SLC25A13: variants seen among roughly 807,000 people sequenced by gnomAD.
SLC25A13 encodes electrogenic aspartate/glutamate antiporter SLC25A13, mitochondrial.
A neutral mutation model predicts 85.5 loss-of-function variants in SLC25A13; 70 were observed. The ratio of observed to expected loss-of-function variants is 0.82; its 90% confidence interval spans 0.68 to 1.00. The LOEUF (loss-of-function observed/expected upper bound fraction) is 1.00, where lower values mean the gene tolerates loss of function less well. Ranked by LOEUF, SLC25A13 falls within the 50% of genes least tolerant of loss-of-function variation. The pLI, the probability that SLC25A13 is intolerant of heterozygous loss-of-function variation, is 0.00. For missense variants in SLC25A13, 765 were observed against 819.8 expected (o/e 0.93, Z 0.82); for synonymous variants, 259 against 288.7 (o/e 0.90, Z 1.04).
intron 4 of SLC25A13, among the ~76,000 whole-genome samples, chr7:96,229,810 A>G (rs1248645747): frequency 1.3e-5 from 2 of 152,240 alleles, no homozygotes; most frequent in Middle Eastern, 3.4e-3. Flanking sequence ...ACATCCAAAC[A>G]TAAGAAGGAA....
At chr7:96,237,037 A>G (rs1333852527) in intron 3 of SLC25A13, among the ~76,000 whole-genome samples, 1 of 152,220 alleles carries the variant, frequency 6.6e-6, no homozygotes, top group Admixed American at 6.5e-5. Flanking sequence ...ATGGAAGGGC[A>G]ACAGCATGCC....
intron 13 of SLC25A13, among the ~76,000 whole-genome samples, chr7:96,149,303 A>G (rs1792924722): frequency 6.6e-6 from 1 of 152,206 alleles, no homozygotes; most frequent in Non-Finnish European, 1.5e-5. Context: ...CTCTTTCTAC[A>G]TATCCAAGTG....
intron 1 of SLC25A13, among the ~76,000 whole-genome samples, chr7:96,299,871 G>A (rs1799489033): frequency 6.6e-6 from 1 of 152,104 alleles, no homozygotes; most frequent in Non-Finnish European, 1.5e-5. Context: ...ATTACTGTAG[G>A]CAACTGTAAA....
chr7:96,257,188 C>T (rs1175412895), intron 3 of SLC25A13, among the ~76,000 whole-genome samples: 1 of 152,050 alleles, frequency 6.6e-6, no homozygotes, highest in Non-Finnish European at 1.5e-5. Context: ...CGAAAGCTAG[C>T]AGAAGACAAG....
At chr7:96,284,005 A>C (rs531954721) in intron 2 of SLC25A13, among the ~76,000 whole-genome samples, 1 of 152,230 alleles carries the variant, frequency 6.6e-6, no homozygotes, top group South Asian at 2.1e-4. Flanking sequence ...AAATTACTCA[A>C]CTGGTTAGAA....
At chr7:96,227,424 T>C (rs1478912917) in intron 4 of SLC25A13, among the ~76,000 whole-genome samples, 1 of 152,162 alleles carries the variant, frequency 6.6e-6, no homozygotes, top group Non-Finnish European at 1.5e-5. Context: ...AGCAGGATGT[T>C]TGTGGAAATT....
At chr7:96,298,339 T>A (rs1230188795) in intron 1 of SLC25A13, among the ~76,000 whole-genome samples, 1 of 152,224 alleles carries the variant, frequency 6.6e-6, no homozygotes, top group African/African-American at 2.4e-5. Flanking sequence ...TGAAACCAGA[T>A]GGTTGGTCAC....
At chr7:96,161,421 T>A (rs989956477) in intron 13 of SLC25A13, among the ~76,000 whole-genome samples, 1 of 152,204 alleles carries the variant, frequency 6.6e-6, no homozygotes, top group African/African-American at 2.4e-5. Context: ...TAACATGGTA[T>A]ACAGAGTCAC....
chr7:96,167,825 G>A lies in SLC25A13; in HGVS notation c.1311+2220C>T, dbSNP rs893854755. Among the ~76,000 whole-genome samples the A allele has an allele frequency of 3.0e-4, 46 of 152,124 alleles. 1 individual carries two copies. The highest frequency in any genetic ancestry group is 1.0e-3 in the African/African-American group (43 of 41,424). Reference sequence around the variant, plus strand: ...TTACTTAAAAAATGCATGGCTGGGCGGGGTGGCCCCATGCCTGTAATCCCA... The same window carrying A: ...TTACTTAAAAAATGCATGGCTGGGCAGGGTGGCCCCATGCCTGTAATCCCA... On this transcript the variant is annotated intron_variant, in intron 13 of 17. Transcript: ENST00000265631.
At chr7:96,256,356 T>C (rs1266862647) in intron 3 of SLC25A13, among the ~76,000 whole-genome samples, 1 of 151,602 alleles carries the variant, frequency 6.6e-6, no homozygotes, top group African/African-American at 2.4e-5. Context: ...AGGCTCAAAA[T>C]AAAGGGATGG....
intron 3 of SLC25A13, among the ~76,000 whole-genome samples, chr7:96,262,522 T>A (rs1415052963): frequency 2.0e-5 from 3 of 150,736 alleles, no homozygotes; most frequent in South Asian, 4.2e-4. Flanking sequence ...CTCCTCAGTT[T>A]AAAAAAAAAG....
intron 2 of SLC25A13, among the ~76,000 whole-genome samples, chr7:96,291,431 A>G (rs1799114103): frequency 6.6e-6 from 1 of 152,244 alleles, no homozygotes; most frequent in Non-Finnish European, 1.5e-5. Flanking sequence ...CTAAGATCAG[A>G]GCAGAACTGA....
chr7:96,148,934 G>A (rs1254354395), intron 13 of SLC25A13, among the ~76,000 whole-genome samples: 1 of 152,238 alleles, frequency 6.6e-6, no homozygotes, highest in East Asian at 1.9e-4. Context: ...GCTCAAGACA[G>A]AGCCTTTACT....
At chr7:96,196,442 A>G (rs1795065999) in intron 5 of SLC25A13, among the ~76,000 whole-genome samples, 1 of 152,194 alleles carries the variant, frequency 6.6e-6, no homozygotes, top group African/African-American at 2.4e-5. Context: ...AGGAAGCCAC[A>G]ATGCTAAGAC....
chr7:96,321,011 A>G (rs1414924796), intron 1 of SLC25A13, among the ~76,000 whole-genome samples: 1 of 152,212 alleles, frequency 6.6e-6, no homozygotes, highest in African/African-American at 2.4e-5. Context: ...GCTTGATTAG[A>G]GGGCTGCCTT....
At chr7:96,269,511 G>A (rs1208826702) in intron 3 of SLC25A13, among the ~76,000 whole-genome samples, 1 of 152,196 alleles carries the variant, frequency 6.6e-6, no homozygotes, top group African/African-American at 2.4e-5. Flanking sequence ...TTCCGGATCA[G>A]GCTGGCCCTT....
At chr7:96,181,439 T>C (rs1475792400) in intron 11 of SLC25A13, among the ~76,000 whole-genome samples, 1 of 152,252 alleles carries the variant, frequency 6.6e-6, no homozygotes, top group African/African-American at 2.4e-5. Context: ...AAGAGTTCTT[T>C]TAAAATAACC....
In SLC25A13 at chr7:96,284,405, ACATTTTAAAAGTGGATATC is replaced by A. The variant is rs1798807705; in HGVS notation, c.70-7086_70-7068del. ...ACTGTTTTTCAAAATTTGCCTACAG[ACATTTTAAAAGTGGATATC>A]ATGCTTTTGCTGACAAAACAATTAT... is the stretch of plus-strand genomic sequence containing the variant. On this transcript the variant is annotated intron_variant, in intron 2 of 17. Transcript: ENST00000265631. Among the ~76,000 whole-genome samples, 3 of 152,230 alleles carry A rather than the reference ACATTTTAAAAGTGGATATC, an allele frequency of 2.0e-5. No homozygotes were observed. In the South Asian group the frequency reaches 6.2e-4, roughly 31 times the overall value.
At chr7:96,219,814 TA>T (rs1796040794) in intron 4 of SLC25A13, 2 of 509,242 alleles carry the variant, frequency 3.9e-6, no homozygotes, top group Admixed American at 4.1e-5. Flanking sequence ...ATACACTATT[TA>T]AGTCATCATA....
Sources: gnomAD v4.1 joint callset for allele counts (sites outside exome capture counted in the v4.1 genomes callset) on GRCh38, gnomAD v4.1.1 for gene constraint, MANE v1.5 for transcripts, NCBI Gene and HGNC (gene_info 2026-07-23, HGNC 2026-07-21) for gene names.